Variants in TTN observed in about 807,000 individuals in gnomAD.
TTN encodes titin.
TTN carries 1,525 observed loss-of-function variants against 3,223.0 expected under a neutral mutation model. The observed-to-expected ratio is 0.47, with a 90% CI of 0.45 to 0.49. The LOEUF (loss-of-function observed/expected upper bound fraction) is 0.49. Among genes scored for constraint, TTN ranks in the 20% least tolerant of loss-of-function variants. The pLI is 0.00. For synonymous variants in TTN, 14,094 were observed against 15,161.0 expected, an observed-to-expected ratio of 0.93 and a Z score of 5.17; for missense variants, 40,786 against 43,424.0, an observed-to-expected ratio of 0.94 and a Z score of 5.40.
intron 253 of TTN, 108 bp from the exon 254 acceptor site, chr2:178,617,620 C>G: frequency 7.2e-7 from 1 of 1,395,422 alleles, no homozygotes. Flanking sequence ...ATCAAATTCA[C>G]TAAGTAAAGT....
chr2:178,699,995 G>A (rs963322699), intron 111 of TTN, among the ~76,000 whole-genome samples: 1 of 152,060 alleles, frequency 6.6e-6, no homozygotes, highest in East Asian at 1.9e-4. Flanking sequence ...GATTACAAGC[G>A]TGAGCCACCG....
chr2:178,581,320 A>G (rs2047691289), intron 316 of TTN, among the ~76,000 whole-genome samples, 179 bp downstream of exon 316: 2 of 152,048 alleles, frequency 1.3e-5, no homozygotes, highest in African/African-American at 4.8e-5. Context: ...AATCATGTGC[A>G]TTTGATTTGC....
Position 178,548,592 on chromosome 2 carries a change from T to C in TTN, c.93034A>G (p.Lys31012Glu). Reference sequence around the variant, plus strand: ...GGTGGGCCTGGAGTGTCTAGCACTTTCACGGTGAATGTGATTGACTTACTA... The same window carrying C: ...GGTGGGCCTGGAGTGTCTAGCACTTCCACGGTGAATGTGATTGACTTACTA... ...SGSKSITFTV[K>E]VLDTPGPPGP... Residue 31012 changes from lysine to glutamate, a missense_variant, in exon 339 of 363, where the codon AAA becomes GAA. Coordinates refer to ENST00000589042, the MANE Select transcript of TTN (RefSeq NM_001267550.2). The surrounding 1 kb of genome is among the most constrained non-coding windows in gnomAD (Gnocchi z 4.3). 1 of 1,613,872 alleles carries C rather than the reference T, an allele frequency of 6.2e-7. No homozygotes were observed.
intron 281 of TTN, 143 bp downstream of exon 281, chr2:178,604,565 G>C: frequency 1.1e-6 from 1 of 948,474 alleles, no homozygotes; most frequent in Admixed American, 3.1e-5. Flanking sequence ...ATGTGTGTGG[G>C]GCTAAACACT....
intron 69 of TTN, 56 bp from the exon 70 acceptor site, chr2:178,726,102 A>AT: frequency 2.0e-6 from 3 of 1,486,354 alleles, no homozygotes; most frequent in Non-Finnish European, 2.7e-6. Flanking sequence ...CAAAATGAAA[A>AT]TTTTTTATTT....
In TTN at chr2:178,794,939, C is replaced by G. The variant is rs745925600; in HGVS notation, c.1228G>C (p.Ala410Pro). 6.2e-7 allele frequency: 1 copy of G among 1,602,672 alleles called. No individual in the cohort carries two copies. The highest frequency in any genetic ancestry group is 1.7e-5 in the Admixed American group (1 of 60,026). ...GACAGTACCTCTTTAGCACCAGTGG[C>G]AACAGCCTCTGCTGCGTAGCTAGCA... ...ASASYAAEAV[A>P]TGAKEVKQDA... The change falls in exon 7 of 363, where the codon GCC becomes CCC. Residue 410 changes from alanine to proline, a missense_variant. Ala to Pro is a conservative substitution (Grantham distance 27, BLOSUM62 -1). Transcript: ENST00000589042.
At position 178,587,422 on chromosome 2, in the gene TTN, A is replaced by AAAGAATC; in HGVS notation, c.63794-12_63794-6dup. 6.2e-7 allele frequency: 1 copy of AAAGAATC among 1,604,734 alleles called. No homozygotes were observed. The highest frequency in any genetic ancestry group is 8.5e-7 in the Non-Finnish European group (1 of 1,175,760). ...CAGACACAGGCCCAGGAGTGTCTGT[A>AAAGAATC]AAGAATCATAAAATCAGATATACAT... On this transcript the variant is annotated splice_region_variant and splice_polypyrimidine_tract_variant and intron_variant, in intron 306 of 362. Transcript: ENST00000589042.
At position 178,564,593 on chromosome 2, in the gene TTN, A is replaced by G. The variant is rs182126530; in HGVS notation, c.81539T>C (p.Ile27180Thr). 4.7e-4 allele frequency: 754 copies of G among 1,613,492 alleles called. 7 individuals carry two copies. In the African/African-American group the frequency reaches 6.3e-3, roughly 14 times the overall value. ...PCDPPGRPEA[I>T]VITRNNVTLK... ...TGTGACATTGTTTCTTGTAATAACA[A>G]TGGCTTCAGGGCGACCAGGTGGGTC... Residue 27180 changes from isoleucine (I) to threonine (T), a missense_variant, in exon 326 of 363, where the codon ATT becomes ACT. Ile to Thr is a moderately conservative substitution (Grantham distance 89, BLOSUM62 -1). Transcript: ENST00000589042.
rs1186404293 is a variant in TTN, at chr2:178,559,617, C to T, written c.86515G>A (p.Val28839Ile). The change falls in exon 326 of 363, where the codon GTT (valine) becomes ATT (isoleucine). Residue 28839 changes from valine to isoleucine, a missense_variant. Transcript: ENST00000589042. Reference protein sequence around the residue: ...NVLSAASLTLVVKVLDTPGPP... With the variant: ...NVLSAASLTLIVKVLDTPGPP... ...CCTGGGGTATCTAAAACTTTGACAA[C>T]TAAGGTCAGTGAAGCAGCACTCAAA... The T allele has an allele frequency of 1.9e-6, 3 of 1,613,672 alleles. No individual in the cohort carries two copies. The highest frequency in any genetic ancestry group is 1.7e-5 in the Admixed American group (1 of 59,980).
Position 178,633,468 on chromosome 2 carries a change from G to T in TTN, c.42891C>A (p.Gly14297=). The part of the protein sequence containing the change: ...KIKKADLKDK[G]EYVCDCGTDK... ...CTGTGCCACAGTCACACACATATTC[G>T]CCTTTATCTTTAAGGTCCGCCTTTT... Residue 14297 remains glycine, a synonymous_variant, in exon 232 of 363, where the codon GGC becomes GGA. Transcript: ENST00000589042. 4 of 1,613,206 alleles carry T rather than the reference G, an allele frequency of 2.5e-6. No homozygotes were observed. The African/African-American group carries it at 4.0e-5, about 16-fold the overall frequency.
intron 240 of TTN, among the ~76,000 whole-genome samples, chr2:178,626,634 G>C (rs1016138553): frequency 6.6e-6 from 1 of 151,904 alleles, no homozygotes; most frequent in African/African-American, 2.4e-5. Flanking sequence ...CTTAATAATT[G>C]AGAGTGGCCA....
In TTN at chr2:178,740,323, A is replaced by G. The variant is rs754169563; in HGVS notation, c.12910T>C (p.Leu4304=). 6.2e-7 allele frequency: 1 copy of G among 1,613,692 alleles called. No homozygotes were observed. The highest frequency in any genetic ancestry group is 1.3e-5 in the African/African-American group (1 of 75,004). The change falls in exon 48 of 363, where the codon TTG becomes CTG. Residue 4304 remains leucine, a synonymous_variant. Coordinates refer to ENST00000589042, the MANE Select transcript of TTN (RefSeq NM_001267550.2). Reference sequence around the variant, plus strand: ...TCCAGTGGATTTGCACTTTCTATCAAAATTTTACCTCCTTCTGTGCATGAG... The same window carrying G: ...TCCAGTGGATTTGCACTTTCTATCAGAATTTTACCTCCTTCTGTGCATGAG... ...EHSCTEGGKI[L]IESANPLENA...
Position 178,571,293 on chromosome 2 carries a change from G to T in TTN, c.74839C>A (p.Arg24947Ser). 6.2e-7 allele frequency: 1 copy of T among 1,613,106 alleles called. No individual in the cohort carries two copies. Among genetic ancestry groups the T allele is most frequent in the Non-Finnish European group, 8.5e-7 (1 of 1,179,518 alleles). ...GSRVIGYHLE[R>S]KERNSILWVK... ...CAGAGGATGCTATTTCTTTCCTTGC[G>T]TTCTAGATGATAGCCAATGACTCTA... Residue 24947 changes from arginine (R) to serine (S), a missense_variant, in exon 326 of 363, where the codon CGC becomes AGC. Physicochemically the swap from Arg to Ser is moderately radical, Grantham distance 110 (BLOSUM62 -1). Coordinates refer to ENST00000589042, the MANE Select transcript of TTN (RefSeq NM_001267550.2).
At chr2:178,745,492 C>A in intron 47 of TTN, 7 of 1,551,632 alleles carry the variant, frequency 4.5e-6, no homozygotes, top group Non-Finnish European at 5.2e-6. Flanking sequence ...TATGGTGGAC[C>A]TGTTTGGAAG....
chr2:178,710,433 T>C (rs1275835869), intron 98 of TTN, among the ~76,000 whole-genome samples: 2 of 152,186 alleles, frequency 1.3e-5, no homozygotes, highest in Non-Finnish European at 1.5e-5. Flanking sequence ...TGCGACAGAA[T>C]GAGATCCTGT....
In TTN at chr2:178,689,848, G is replaced by A. The variant is rs1320207931; in HGVS notation, c.31811C>T (p.Pro10604Leu). ...KPVPEEKIPV[P>L]VAKKKEAPPA... is the part of the protein sequence containing the mutation. ...GGGAGCTTCCTTTTTCTTTGCAACA[G>A]GAACGGGAATCTTTTCTTCAGGGAC... The change falls in exon 122 of 363, where the codon CCT (proline) becomes CTT (leucine). Residue 10604 changes from proline (P) to leucine (L), a missense_variant. By Grantham distance (98) the Pro-to-Leu change is moderately conservative. Coordinates refer to ENST00000589042, the MANE Select transcript of TTN (RefSeq NM_001267550.2). 2 of 1,612,756 alleles carry A rather than the reference G, an allele frequency of 1.2e-6. No individual in the cohort carries two copies. The highest frequency in any genetic ancestry group is 1.7e-6 in the Non-Finnish European group (2 of 1,179,490).
chr2:178,772,436 A>T (rs1379501516), intron 33 of TTN, among the ~76,000 whole-genome samples: 1 of 152,130 alleles, frequency 6.6e-6, no homozygotes, highest in African/African-American at 2.4e-5. Context: ...ATTAATGATG[A>T]CTTCTAGTTT....
In TTN at chr2:178,729,153, A is replaced by G; in HGVS notation, c.18885T>C (p.Ile6295=). ...RVALKEPPSF[I]KKIENTTTVL... ...CAGTAGTGGTATTTTCTATCTTCTT[A>G]ATGAATGATGGTGGTTCTGTGATTA... Residue 6295 remains isoleucine (I), a synonymous_variant, in exon 65 of 363, where the codon ATT becomes ATC. Coordinates refer to ENST00000589042, the MANE Select transcript of TTN (RefSeq NM_001267550.2). The G allele has an allele frequency of 6.3e-7, 1 of 1,587,960 alleles. No homozygotes were observed. The highest frequency in any genetic ancestry group is 8.6e-7 in the Non-Finnish European group (1 of 1,167,372).
intron 43 of TTN, among the ~76,000 whole-genome samples, chr2:178,759,387 C>T (rs563877096): frequency 1.3e-5 from 2 of 152,222 alleles, no homozygotes; most frequent in South Asian, 4.2e-4. Context: ...ATAGCTTGTC[C>T]TAAGGTTGAA....
Sources: allele counts gnomAD v4.1 joint callset (sites outside exome capture counted in the v4.1 genomes callset), GRCh38; gene constraint gnomAD v4.1.1; non-coding constraint Gnocchi (gnomAD v3.1); transcripts MANE v1.5; gene names NCBI Gene and HGNC (gene_info 2026-07-23, HGNC 2026-07-21).